HIVEP1: variants seen among roughly 807,000 people sequenced by gnomAD.
The protein encoded by HIVEP1 is zinc finger protein 40.
Under a neutral mutation model 180.0 loss-of-function variants are expected in HIVEP1, and 36 were observed. The ratio of observed to expected loss-of-function variants is 0.20; its 90% confidence interval spans 0.15 to 0.26. The LOEUF is 0.26. Ranked by LOEUF, HIVEP1 falls within the 10% of genes least tolerant of loss-of-function variation. The pLI is 1.00. For synonymous variants in HIVEP1, 1,239 were observed against 1,239.0 expected, an observed-to-expected ratio of 1.00 and a Z score of 0.00; for missense variants, 3,143 against 3,268.7, an observed-to-expected ratio of 0.96 and a Z score of 0.94.
chr6:12,016,513 A>G (rs1368452563), intron 2 of HIVEP1, among the ~76,000 whole-genome samples: 1 of 152,228 alleles, frequency 6.6e-6, no homozygotes, highest in Non-Finnish European at 1.5e-5. Flanking sequence ...TAAAAATCAA[A>G]TAAATTAATT....
intron 7 of HIVEP1, among the ~76,000 whole-genome samples, chr6:12,144,719 C>T (rs1487289322): frequency 1.3e-5 from 2 of 152,132 alleles, no homozygotes; most frequent in Admixed American, 6.5e-5. Flanking sequence ...AGGATATGAA[C>T]AGACACTTCT....
At chr6:12,077,310 A>G (rs1432294574) in intron 2 of HIVEP1, among the ~76,000 whole-genome samples, 2 of 152,214 alleles carry the variant, frequency 1.3e-5, no homozygotes, top group South Asian at 2.1e-4. Flanking sequence ...GTCACTGGCA[A>G]TACAGAGCTC....
At chr6:12,211,090 A>G in the HIVEP1 span, among the ~76,000 whole-genome samples, 2 of 151,302 alleles carry the variant, frequency 1.3e-5, no homozygotes, top group African/African-American at 4.9e-5. Flanking sequence ...AGAGTTCTGT[A>G]CTCCTCTCTC....
intron 7 of HIVEP1, among the ~76,000 whole-genome samples, chr6:12,156,999 C>G (rs1760099342): frequency 6.6e-6 from 1 of 152,038 alleles, no homozygotes; most frequent in Non-Finnish European, 1.5e-5. Context: ...TTTCGAAGCT[C>G]TATTGCGTAC....
At chr6:12,074,792 G>A (rs1772244165) in intron 2 of HIVEP1, among the ~76,000 whole-genome samples, 2 of 151,844 alleles carry the variant, frequency 1.3e-5, no homozygotes, top group Admixed American at 1.3e-4. Context: ...CAGTATTGGA[G>A]TAGGATTATG....
chr6:12,202,553 CCT>C, the HIVEP1 span, among the ~76,000 whole-genome samples: 1 of 152,158 alleles, frequency 6.6e-6, no homozygotes, highest in Non-Finnish European at 1.5e-5. Flanking sequence ...TTAATTATCC[CCT>C]GATACTTCGT....
intron 2 of HIVEP1, among the ~76,000 whole-genome samples, chr6:12,044,308 T>C (rs972082817): frequency 2.0e-5 from 3 of 152,234 alleles, no homozygotes; most frequent in Admixed American, 2.0e-4. Context: ...AGCAACCAAA[T>C]GTATAATTTT....
At chr6:12,144,155 C>T (rs1396213344) in intron 7 of HIVEP1, among the ~76,000 whole-genome samples, 2 of 152,176 alleles carry the variant, frequency 1.3e-5, no homozygotes, top group Non-Finnish European at 2.9e-5. Context: ...AGTAACCAAA[C>T]AGCATGGTAC....
chr6:12,115,678 A>G (rs1029998520), intron 3 of HIVEP1, among the ~76,000 whole-genome samples: 4 of 152,022 alleles, frequency 2.6e-5, no homozygotes, highest in Admixed American at 2.0e-4. Flanking sequence ...TCCCTTCCCA[A>G]TCTGACTGTA....
downstream of HIVEP1, among the ~76,000 whole-genome samples, chr6:12,168,036 TATATAC>T (rs1448525579): frequency 1.7e-4 from 10 of 60,422 alleles, 2 homozygotes; most frequent in East Asian, 2.5e-3. Context: ...GTATATATTA[TATATAC>T]ATATACATAT....
At chr6:12,010,899 C>T (rs1166736915), upstream of HIVEP1, among the ~76,000 whole-genome samples, 1 of 152,208 alleles carries the variant, frequency 6.6e-6, no homozygotes, top group East Asian at 1.9e-4. Flanking sequence ...CTCCCCTCTT[C>T]CCTGGAGCCC....
the HIVEP1 span, among the ~76,000 whole-genome samples, chr6:12,176,272 C>T: frequency 7.5e-6 from 1 of 132,504 alleles, no homozygotes; most frequent in Non-Finnish European, 1.6e-5. Context: ...TCGCTCTTGT[C>T]CCCCAGGCTG....
chr6:12,051,225 T>G (rs1237198345), intron 2 of HIVEP1, among the ~76,000 whole-genome samples: 1 of 151,770 alleles, frequency 6.6e-6, no homozygotes, highest in Non-Finnish European at 1.5e-5. Flanking sequence ...TGTCATTAGT[T>G]TATGTCCCAC....
chr6:12,177,309 C>G, the HIVEP1 span, among the ~76,000 whole-genome samples: 10 of 152,074 alleles, frequency 6.6e-5, no homozygotes, highest in Non-Finnish European at 1.5e-4. Flanking sequence ...TACCCCCAAA[C>G]CTAAAATACA....
At chr6:12,150,566 T>A (rs1209891951) in intron 7 of HIVEP1, among the ~76,000 whole-genome samples, 1 of 152,212 alleles carries the variant, frequency 6.6e-6, no homozygotes, top group African/African-American at 2.4e-5. Flanking sequence ...ACCTGTAGAA[T>A]ATATTATCAT....
At chr6:12,115,350 CTTTTTTTTT>C (rs34074662) in intron 3 of HIVEP1, among the ~76,000 whole-genome samples, 17 of 75,292 alleles carry the variant, frequency 2.3e-4, no homozygotes, top group East Asian at 1.3e-3. Flanking sequence ...CCCAACTATT[CTTTTTTTTT>C]TTTTTTTTTT....
At chr6:12,196,397 A>C in the HIVEP1 span, among the ~76,000 whole-genome samples, 23 of 152,152 alleles carry the variant, frequency 1.5e-4, no homozygotes, top group African/African-American at 4.3e-4. Context: ...CAGCCAACAG[A>C]ATCTCAGTTT....
chr6:12,206,113 G>A, the HIVEP1 span, among the ~76,000 whole-genome samples: 1 of 151,992 alleles, frequency 6.6e-6, no homozygotes, highest in Non-Finnish European at 1.5e-5. Context: ...CTTGTACAAA[G>A]AGGAAATTTA....
rs1757826842 is a variant in HIVEP1 at position 12,123,393 on chromosome 6, G to C, written c.3598G>C (p.Asp1200His). ...GSHPHQLALS[D>H]ALRGELQESS... ...TCATCCTCACCAGCTTGCACTATCAGACGCTCTCAGAGGAGAACTTCAGGA... is the reference window on the plus strand; with the variant it reads ...TCATCCTCACCAGCTTGCACTATCACACGCTCTCAGAGGAGAACTTCAGGA... Residue 1200 changes from aspartate (D) to histidine (H), a missense_variant, in exon 4 of 9, where the codon GAC (aspartate) becomes CAC (histidine). Transcript: ENST00000379388. The C allele has an allele frequency of 6.2e-7, 1 of 1,614,194 alleles. No homozygotes were observed. Among genetic ancestry groups the C allele is most frequent in the Non-Finnish European group, 8.5e-7 (1 of 1,180,038 alleles).
Sources: allele counts gnomAD v4.1 joint callset (sites outside exome capture counted in the v4.1 genomes callset), GRCh38; gene constraint gnomAD v4.1.1; transcripts MANE v1.5; gene names NCBI Gene and HGNC (gene_info 2026-07-23, HGNC 2026-07-21).